STK3: variants seen among roughly 807,000 people sequenced by gnomAD.
STK3 encodes serine/threonine-protein kinase 3.
In STK3, 41 loss-of-function variants were observed where a neutral mutation model predicts 58.0. The ratio of observed to expected loss-of-function variants is 0.71; its 90% CI spans 0.55 to 0.92. The LOEUF (loss-of-function observed/expected upper bound fraction) is 0.92, where lower values mean the gene tolerates loss of function less well. STK3 is among the 40% of genes least tolerant of loss of function. The pLI is 0.00. For synonymous variants in STK3, 170 were observed against 191.0 expected (o/e 0.89, Z 0.91); for missense variants, 479 against 602.7 (o/e 0.79, Z 2.15).
chr8:98,453,564 T>C (rs183776530), downstream of STK3, among the ~76,000 whole-genome samples: 427 of 152,344 alleles, frequency 2.8e-3, 8 homozygotes, highest in South Asian at 0.018. Context: ...TAAATATATG[T>C]GTGTATTTGT....
At chr8:98,757,757 G>A (rs1261834631) in intron 3 of STK3, among the ~76,000 whole-genome samples, 1 of 151,728 alleles carries the variant, frequency 6.6e-6, no homozygotes, top group Non-Finnish European at 1.5e-5. Flanking sequence ...CACTGAACAA[G>A]CCTACTAGCA....
intron 6 of STK3, among the ~76,000 whole-genome samples, chr8:98,675,118 CAT>C (rs1823101390): frequency 6.6e-6 from 1 of 152,104 alleles, no homozygotes; most frequent in African/African-American, 2.4e-5. Flanking sequence ...GAAAAATATA[CAT>C]AAAGTGCTTC....
At chr8:98,391,142 C>T (rs536549737), upstream of STK3, among the ~76,000 whole-genome samples, 6 of 152,158 alleles carry the variant, frequency 3.9e-5, no homozygotes, top group Non-Finnish European at 7.3e-5. Context: ...GACTATGAGA[C>T]TTTGTGTCTT....
At chr8:98,727,192 T>G (rs909430895) in intron 4 of STK3, among the ~76,000 whole-genome samples, 2 of 152,090 alleles carry the variant, frequency 1.3e-5, no homozygotes, top group Non-Finnish European at 2.9e-5. Flanking sequence ...ATGGCCACAA[T>G]GATTTGCTCA....
intron 1 of STK3, among the ~76,000 whole-genome samples, chr8:98,447,402 G>C (rs1818997635): frequency 6.6e-6 from 1 of 151,852 alleles, no homozygotes; most frequent in South Asian, 2.1e-4. Context: ...ACAACCTCAA[G>C]AACTAAGGAA....
intron 1 of STK3, among the ~76,000 whole-genome samples, chr8:98,927,695 G>C (rs974167472): frequency 7.2e-5 from 11 of 152,198 alleles, no homozygotes; most frequent in African/African-American, 2.7e-4. Context: ...AGGCAGTCTT[G>C]TCCCAGAGCT....
the STK3 span, among the ~76,000 whole-genome samples, chr8:98,346,241 C>T: frequency 6.5e-3 from 972 of 149,210 alleles, 7 homozygotes; most frequent in South Asian, 0.021. Context: ...GCTGAGATCA[C>T]GCCATTGCAC....
At position 98,579,727 on chromosome 8, in the gene STK3, C is replaced by A; in HGVS notation, c.885G>T (p.Met295Ile). The change falls in exon 8 of 11, where the codon ATG becomes ATT. Residue 295 changes from methionine (M) to isoleucine (I), a missense_variant. Physicochemically the swap from Met to Ile is conservative, Grantham distance 10 (BLOSUM62 1). Around this residue, in one of 3 missense-constraint regions of STK3, gnomAD observed 309 missense variants for 355.7 expected, o/e 0.87. Coordinates refer to ENST00000419617, the MANE Select transcript of STK3 (RefSeq NM_006281.4). ...CCTCATGTCTTTTAGCTTTGATCTC[C>A]ATAGCTTCTGTGATCAGGTCTCTTA... ...SILRDLITEA[M>I]EIKAKRHEEQ... 6.2e-7 allele frequency: 1 copy of A among 1,609,850 alleles called. No individual in the cohort carries two copies. Among genetic ancestry groups the A allele is most frequent in the Non-Finnish European group, 8.5e-7 (1 of 1,178,784 alleles).
At chr8:98,404,691 A>AC (rs1346521767) in intron 3 of STK3, among the ~76,000 whole-genome samples, 13 of 151,114 alleles carry the variant, frequency 8.6e-5, no homozygotes, top group African/African-American at 2.7e-4. Flanking sequence ...AAAAAAAAAA[A>AC]AAAAAAAAAT....
chr8:98,900,978 A>G (rs578181863), intron 1 of STK3, among the ~76,000 whole-genome samples: 2 of 152,232 alleles, frequency 1.3e-5, no homozygotes, highest in South Asian at 4.1e-4. Flanking sequence ...TTTATATTAT[A>G]TTTTTTCACT....
chr8:98,713,250 C>G (rs1287641003), intron 4 of STK3, among the ~76,000 whole-genome samples: 1 of 152,104 alleles, frequency 6.6e-6, no homozygotes, highest in Non-Finnish European at 1.5e-5. Flanking sequence ...CAAACACATT[C>G]AAAAGCTAGC....
rs965229860 is a variant in STK3 at position 98,579,274 on chromosome 8, C to T, written c.948+390G>A. Among the ~76,000 whole-genome samples the T allele has an allele frequency of 2.0e-5, 3 of 152,118 alleles. No homozygotes were observed. In the South Asian group the frequency reaches 6.2e-4, roughly 32 times the overall value. ...TTAATAGCTAGTTTAATATGCTAGG[C>T]CTTTTTATGTCCCACCTGCAACTCC... On this transcript the variant is annotated intron_variant, in intron 8 of 10. Transcript: ENST00000419617.
chr8:98,704,740 C>T (rs891127908), intron 6 of STK3, among the ~76,000 whole-genome samples: 1 of 152,162 alleles, frequency 6.6e-6, no homozygotes, highest in Non-Finnish European at 1.5e-5. Context: ...TTACAATTCT[C>T]TGCTATCTGA....
chr8:98,692,595 G>A (rs774155724), intron 6 of STK3, among the ~76,000 whole-genome samples: 1 of 152,084 alleles, frequency 6.6e-6, no homozygotes. Context: ...TGTTTAATGG[G>A]TACAGGGTTT....
chr8:98,381,311 T>A (rs1227971742), intron 1 of STK3, among the ~76,000 whole-genome samples: 1 of 152,160 alleles, frequency 6.6e-6, no homozygotes, highest in Non-Finnish European at 1.5e-5. Context: ...TTGACCCACA[T>A]TTTTACTCCA....
At chr8:98,729,414 C>A (rs1004030263) in intron 4 of STK3, among the ~76,000 whole-genome samples, 51 of 152,148 alleles carry the variant, frequency 3.4e-4, no homozygotes, top group African/African-American at 1.1e-3. Context: ...CCAGCCACCA[C>A]CGTTTGATTC....
intron 1 of STK3, among the ~76,000 whole-genome samples, chr8:98,789,843 A>G (rs958906391): frequency 2.0e-5 from 3 of 152,106 alleles, no homozygotes; most frequent in African/African-American, 7.2e-5. Context: ...CCTGCCCAAC[A>G]TGGTGAAACC....
chr8:98,567,861 C>T, intron 8 of STK3, among the ~76,000 whole-genome samples: 1 of 152,090 alleles, frequency 6.6e-6, no homozygotes, highest in Non-Finnish European at 1.5e-5. Flanking sequence ...AGTTCAAGAC[C>T]TGTCTGGCCA....
chr8:98,487,804 T>A (rs2131306947), intron 10 of STK3, among the ~76,000 whole-genome samples: 1 of 152,288 alleles, frequency 6.6e-6, no homozygotes, highest in East Asian at 1.9e-4. Context: ...TCACTATAGT[T>A]GGGGAATAAG....
Sources: allele counts gnomAD v4.1 joint callset (sites outside exome capture counted in the v4.1 genomes callset), GRCh38; gene constraint gnomAD v4.1.1; regional missense constraint gnomAD v4.1.1; transcripts MANE v1.5; gene names NCBI Gene and HGNC (gene_info 2026-07-23, HGNC 2026-07-21).